Variants in BOP1 observed in about 807,000 individuals in gnomAD.
BOP1 encodes BOP1 ribosomal biogenesis factor.
A neutral mutation model predicts 82.9 loss-of-function variants in BOP1; 54 were observed. The ratio of observed to expected loss-of-function variants is 0.65; its 90% CI spans 0.52 to 0.82. The LOEUF (loss-of-function observed/expected upper bound fraction) is 0.82, where lower values mean the gene tolerates loss of function less well. Among genes scored for constraint, BOP1 ranks in the 40% least tolerant of loss-of-function variants. The pLI is 0.00. For synonymous variants in BOP1, 566 were observed against 451.1 expected, an observed-to-expected ratio of 1.25 and a Z score of -3.23; for missense variants, 1,170 against 1,072.0, an observed-to-expected ratio of 1.09 and a Z score of -1.28.
intron 2 of BOP1, among the ~76,000 whole-genome samples, chr8:144,277,471 G>A (rs980726774): frequency 3.9e-5 from 6 of 152,358 alleles, no homozygotes; most frequent in Admixed American, 2.0e-4. Context: ...TGGCCTCTGC[G>A]GACGGGTACC....
intron 3 of BOP1, among the ~76,000 whole-genome samples, chr8:144,275,890 C>T (rs1031283117): frequency 6.6e-6 from 1 of 151,800 alleles, no homozygotes; most frequent in East Asian, 1.9e-4. Flanking sequence ...CCATGCACGC[C>T]ACGCCCAGGG....
intron 2 of BOP1, among the ~76,000 whole-genome samples, chr8:144,286,974 G>A (rs145549198): frequency 6.6e-6 from 1 of 152,362 alleles, no homozygotes; most frequent in African/African-American, 2.4e-5. Flanking sequence ...GACACCTCTA[G>A]TACCTTTCAA....
chr8:144,262,346 G>A (rs949470987), intron 15 of BOP1, 29 bp from the exon 16 acceptor site: 232 of 1,612,570 alleles, frequency 1.4e-4, no homozygotes, highest in Non-Finnish European at 1.9e-4. Context: ...CTCAGGGCAC[G>A]GCCAGACACC....
chr8:144,270,554 G>A (rs1016262326), intron 3 of BOP1, among the ~76,000 whole-genome samples: 3 of 152,110 alleles, frequency 2.0e-5, no homozygotes, highest in Non-Finnish European at 4.4e-5. Flanking sequence ...CGGTAGCAGC[G>A]GCCGAGGGCC....
chr8:144,264,803 G>A lies in BOP1; in HGVS notation c.574C>T (p.Arg192Trp), dbSNP rs1033039655. The A allele has an allele frequency of 2.7e-5, 44 of 1,609,260 alleles. No homozygotes were observed. Among genetic ancestry groups the A allele is most frequent in the Admixed American group, 8.4e-5 (5 of 59,850 alleles). The change falls in exon 5 of 16, where the codon CGG becomes TGG. Residue 192 changes from arginine (R) to tryptophan (W), a missense_variant. Transcript: ENST00000569669. ...TGCTCATCCGTCAGTCTCAGGTCCC[G>A]CCCTGTCATCGGGTCCTGCACGGTG... ...WRTVQDPMTG[R>W]DLRLTDEQVA...
At chr8:144,281,243 A>C (rs1178416590) in intron 2 of BOP1, among the ~76,000 whole-genome samples, 133 of 6,290 alleles carry the variant, frequency 0.021, 61 homozygotes, top group East Asian at 0.067. Context: ...CCCTCAGTTT[A>C]ATACCAGGTC....
intron 2 of BOP1, among the ~76,000 whole-genome samples, chr8:144,281,153 A>C (rs1490974245): frequency 1.9e-4 from 20 of 105,548 alleles, no homozygotes; most frequent in South Asian, 4.3e-4. Flanking sequence ...CTCTCAGTTT[A>C]ATACCAGGTC....
chr8:144,288,997 G>A (rs1814959478), intron 2 of BOP1, 98 bp downstream of exon 2: 3 of 1,358,514 alleles, frequency 2.2e-6, no homozygotes, highest in Admixed American at 1.7e-5. Context: ...TTGGGGTTCT[G>A]AGGGACGGTG....
intron 12 of BOP1, 33 bp downstream of exon 12, chr8:144,263,188 G>A (rs782027484): frequency 2.6e-5 from 42 of 1,592,276 alleles, no homozygotes; most frequent in South Asian, 1.0e-4. Context: ...GGCCCCTCCC[G>A]CTGCAGCCTC....
At chr8:144,274,717 G>A (rs1301801517) in intron 3 of BOP1, among the ~76,000 whole-genome samples, 2 of 152,230 alleles carry the variant, frequency 1.3e-5, no homozygotes, top group Non-Finnish European at 2.9e-5. Flanking sequence ...GCACAGCAGG[G>A]GGCTGCCCAC....
Position 144,285,913 on chromosome 8 carries a change from G to A in BOP1, c.309+3182C>T, listed in dbSNP as rs112159106. 5.3e-3 allele frequency among the ~76,000 whole-genome samples: 808 copies of A among 152,360 alleles called. 12 individuals are homozygous for A. The highest frequency in any genetic ancestry group is 0.018 in the African/African-American group (769 of 41,582). ...GATGACACAGAAACAGGCCTAACCT[G>A]AGGCCACTAACTGGGCATGACGGGG... On this transcript the variant is annotated intron_variant, in intron 2 of 15. Coordinates refer to ENST00000569669, the MANE Select transcript of BOP1 (RefSeq NM_015201.5).
chr8:144,263,625 GAC>G lies in BOP1; in HGVS notation c.1292-17_1292-16del. 6.2e-7 allele frequency: 1 copy of G among 1,608,758 alleles called. No individual in the cohort carries two copies. Among genetic ancestry groups the G allele is most frequent in the South Asian group, 1.1e-5 (1 of 90,744 alleles). Reference sequence around the variant, plus strand: ...GTCGTCAGAGCCTGGATGCGGCAGAGACAGCTCTCAACACCTGGCCATCCCAC... The same window carrying G: ...GTCGTCAGAGCCTGGATGCGGCAGAGAGCTCTCAACACCTGGCCATCCCAC... On this transcript the variant is annotated splice_polypyrimidine_tract_variant and intron_variant, in intron 10 of 15. Coordinates refer to ENST00000569669, the MANE Select transcript of BOP1 (RefSeq NM_015201.5).
chr8:144,263,811 G>C lies in BOP1; in HGVS notation c.1221+20C>G. 6.2e-7 allele frequency: 1 copy of C among 1,609,600 alleles called. No homozygotes were observed. Among genetic ancestry groups the C allele is most frequent in the Non-Finnish European group, 8.5e-7 (1 of 1,179,176 alleles). On this transcript the variant is annotated intron_variant, in intron 9 of 15. Transcript: ENST00000569669. Reference sequence around the variant, plus strand: ...GTCAGACTGGGAGGGTGCAACCCCAGCCCCCTAGTCTCCACTTACCAGGGC... The same window carrying C: ...GTCAGACTGGGAGGGTGCAACCCCACCCCCCTAGTCTCCACTTACCAGGGC...
Position 144,264,730 on chromosome 8 carries a change from C to G in BOP1, c.647G>C (p.Gly216Ala). Residue 216 changes from glycine (G) to alanine (A), a missense_variant, in exon 5 of 16, where the codon GGC becomes GCC. By Grantham distance (60) the Gly-to-Ala change is moderately conservative. Transcript: ENST00000569669. ...GCCACCTACCTCATAGGGGTTGAAG[C>G]CCACATCCCCAAACTGGCCACTCTG... is the stretch of plus-strand genomic sequence containing the variant. ...RLQSGQFGDV[G>A]FNPYEPAVDF... 1 of 1,580,128 alleles carries G rather than the reference C, an allele frequency of 6.3e-7. No individual in the cohort carries two copies. The highest frequency in any genetic ancestry group is 8.6e-7 in the Non-Finnish European group (1 of 1,163,844).
intron 2 of BOP1, among the ~76,000 whole-genome samples, chr8:144,285,803 C>T (rs1814851085): frequency 6.6e-6 from 1 of 152,216 alleles, no homozygotes; most frequent in South Asian, 2.1e-4. Flanking sequence ...TCTGGCAGAG[C>T]CCCTGGTGGC....
chr8:144,274,297 G>A (rs1845537572), intron 3 of BOP1, among the ~76,000 whole-genome samples: 1 of 152,286 alleles, frequency 6.6e-6, no homozygotes, highest in South Asian at 2.1e-4. Flanking sequence ...GCCCAGTGCC[G>A]AGGAGGACCA....
At chr8:144,290,784 T>C (rs1554840078) in intron 1 of BOP1, among the ~76,000 whole-genome samples, 2 of 151,934 alleles carry the variant, frequency 1.3e-5, no homozygotes. Flanking sequence ...GTCCATCCCC[T>C]CCACCACCCA....
Position 144,263,527 on chromosome 8 carries a change from T to A in BOP1, c.1375A>T (p.Ser459Cys). The A allele has an allele frequency of 5.0e-6, 8 of 1,599,482 alleles. No individual in the cohort carries two copies. The South Asian group carries it at 7.7e-5, about 15-fold the overall frequency. Residue 459 changes from serine (S) to cysteine (C), a missense_variant, in exon 11 of 16, where the codon AGT becomes TGT. Ser to Cys is a moderately radical substitution (Grantham distance 112, BLOSUM62 -1). Transcript: ENST00000569669. ...RTVPVGGVVK[S>C]VAWNPSPAVC... The stretch of plus-strand genomic sequence containing the variant: ...GCGGGGCTGGGGTTCCAGGCCACAC[T>A]CTTCACCACGCCCCCCACGGGAACA...
At chr8:144,264,646 A>G in intron 5 of BOP1, 30 bp from the exon 6 acceptor site, 3 of 1,572,114 alleles carry the variant, frequency 1.9e-6, no homozygotes, top group Non-Finnish European at 2.6e-6. Context: ...CGTGTGGGCC[A>G]GAGTGGCTGA....
Sources: allele counts gnomAD v4.1 joint callset (sites outside exome capture counted in the v4.1 genomes callset), GRCh38; gene constraint gnomAD v4.1.1; transcripts MANE v1.5; gene names NCBI Gene and HGNC (gene_info 2026-07-23, HGNC 2026-07-21).